Variants in ATG10 observed in about 807,000 individuals in gnomAD.
The protein encoded by ATG10 is autophagy related 10.
ATG10 carries 30 observed loss-of-function variants against 32.1 expected under a neutral mutation model. The ratio of observed to expected loss-of-function variants is 0.94; its 90% CI spans 0.70 to 1.27. ATG10 has a LOEUF of 1.27. ATG10 is among the 50% of genes most tolerant of loss of function. ATG10 has a pLI of 0.00. For synonymous variants in ATG10, 87 were observed against 91.5 expected (o/e 0.95, Z 0.28); for missense variants, 233 against 262.3 (o/e 0.89, Z 0.77).
intron 3 of ATG10, among the ~76,000 whole-genome samples, chr5:82,073,917 G>A (rs1186430466): frequency 6.6e-6 from 1 of 152,158 alleles, no homozygotes; most frequent in Non-Finnish European, 1.5e-5. Flanking sequence ...CTTTGTGTGA[G>A]TAGAATGGTG....
intron 3 of ATG10, among the ~76,000 whole-genome samples, chr5:82,133,126 C>T (rs772957798): frequency 6.6e-6 from 1 of 152,106 alleles, no homozygotes; most frequent in Non-Finnish European, 1.5e-5. Context: ...TTTGTAGATT[C>T]TGGATATTAG....
At chr5:82,189,397 G>T (rs1744573081) in intron 5 of ATG10, among the ~76,000 whole-genome samples, 1 of 152,088 alleles carries the variant, frequency 6.6e-6, no homozygotes, top group Admixed American at 6.5e-5. Context: ...ATTCTAGATC[G>T]ATCATTTCAC....
chr5:82,121,718 A>T (rs895479860), intron 3 of ATG10, among the ~76,000 whole-genome samples: 6 of 152,158 alleles, frequency 3.9e-5, no homozygotes, highest in African/African-American at 4.8e-5. Context: ...CTATTGAGAT[A>T]ATGATGTGGT....
chr5:82,023,617 G>C (rs1276337160), intron 2 of ATG10, among the ~76,000 whole-genome samples: 4 of 152,138 alleles, frequency 2.6e-5, no homozygotes, highest in Non-Finnish European at 4.4e-5. Context: ...AGACTGTTTG[G>C]AATAAAATCC....
intron 5 of ATG10, among the ~76,000 whole-genome samples, chr5:82,179,646 T>A (rs1744159330): frequency 6.6e-6 from 1 of 152,144 alleles, no homozygotes; most frequent in South Asian, 2.1e-4. Context: ...AAACTACTCA[T>A]CACCTTGCAA....
intron 3 of ATG10, among the ~76,000 whole-genome samples, chr5:82,081,065 AG>A (rs1210864233): frequency 6.6e-6 from 1 of 152,142 alleles, no homozygotes; most frequent in Non-Finnish European, 1.5e-5. Flanking sequence ...TTCTCCTTGA[AG>A]AGGTCCTTCA....
chr5:82,087,542 CTTA>C (rs1313661202), intron 3 of ATG10, among the ~76,000 whole-genome samples: 1 of 152,102 alleles, frequency 6.6e-6, no homozygotes, highest in Non-Finnish European at 1.5e-5. Flanking sequence ...TATATTGTCA[CTTA>C]TTAATTCAGC....
At chr5:81,997,342 C>G (rs1006963224) in intron 2 of ATG10, among the ~76,000 whole-genome samples, 1 of 152,200 alleles carries the variant, frequency 6.6e-6, no homozygotes, top group Non-Finnish European at 1.5e-5. Context: ...GCCCAATACC[C>G]AACCCCTCAG....
At chr5:82,056,592 G>A (rs895427053) in intron 2 of ATG10, among the ~76,000 whole-genome samples, 4 of 152,004 alleles carry the variant, frequency 2.6e-5, no homozygotes, top group Non-Finnish European at 5.9e-5. Context: ...GTACTGATGG[G>A]CAGGATCAGA....
At chr5:82,135,445 C>A (rs550549155) in intron 3 of ATG10, among the ~76,000 whole-genome samples, 1 of 152,276 alleles carries the variant, frequency 6.6e-6, no homozygotes, top group South Asian at 2.1e-4. Context: ...TCATTGGTTT[C>A]AAAGAACTAA....
At chr5:82,152,037 A>G (rs1487123095) in intron 3 of ATG10, among the ~76,000 whole-genome samples, 1 of 152,266 alleles carries the variant, frequency 6.6e-6, no homozygotes, top group Non-Finnish European at 1.5e-5. Context: ...GATTTAAAAC[A>G]CACAAAGAAG....
intron 4 of ATG10, among the ~76,000 whole-genome samples, chr5:82,171,169 A>G (rs923710595): frequency 1.3e-5 from 2 of 152,192 alleles, no homozygotes; most frequent in Non-Finnish European, 2.9e-5. Flanking sequence ...GATTCACTTA[A>G]TTTAAATGGA....
chr5:82,199,556 AAG>A (rs758979762), intron 5 of ATG10, among the ~76,000 whole-genome samples: 25 of 152,212 alleles, frequency 1.6e-4, no homozygotes, highest in Non-Finnish European at 3.2e-4. Flanking sequence ...ATATCAATAT[AAG>A]CATATTAGCT....
At chr5:82,191,009 G>A (rs79551322) in intron 5 of ATG10, among the ~76,000 whole-genome samples, 2,104 of 152,154 alleles carry the variant, frequency 0.014, 38 homozygotes, top group African/African-American at 0.047. Flanking sequence ...CATTTTAAAG[G>A]TTTTGTTAGA....
At chr5:82,164,717 C>T (rs766532572) in intron 4 of ATG10, among the ~76,000 whole-genome samples, 180 bp downstream of exon 4, 3 of 152,204 alleles carry the variant, frequency 2.0e-5, no homozygotes, top group South Asian at 2.1e-4. Flanking sequence ...AAGACTTCAG[C>T]GTGAATGATA....
chr5:82,179,692 T>C (rs1446814156), intron 5 of ATG10, among the ~76,000 whole-genome samples: 2 of 152,142 alleles, frequency 1.3e-5, no homozygotes, highest in African/African-American at 2.4e-5. Flanking sequence ...TTTTTACTTA[T>C]ATCAAAAATA....
chr5:82,243,550 G>T (rs1746888401), intron 5 of ATG10, among the ~76,000 whole-genome samples: 1 of 151,696 alleles, frequency 6.6e-6, no homozygotes, highest in South Asian at 2.1e-4. Flanking sequence ...ATCCTTTTTT[G>T]GCAGAAAGCA....
intron 4 of ATG10, among the ~76,000 whole-genome samples, chr5:82,168,978 T>C (rs1332665239): frequency 6.6e-6 from 1 of 151,798 alleles, no homozygotes; most frequent in Non-Finnish European, 1.5e-5. Flanking sequence ...CAGCCACAGG[T>C]TGGGTTTCTT....
intron 2 of ATG10, among the ~76,000 whole-genome samples, chr5:82,030,982 T>C (rs1762727261): frequency 6.8e-6 from 1 of 147,936 alleles, no homozygotes; most frequent in South Asian, 2.2e-4. Flanking sequence ...TACCTCACAA[T>C]CATTATTATT....
Sources: gnomAD v4.1 joint callset for allele counts (sites outside exome capture counted in the v4.1 genomes callset) on GRCh38, gnomAD v4.1.1 for gene constraint, MANE v1.5 for transcripts, NCBI Gene and HGNC (gene_info 2026-07-23, HGNC 2026-07-21) for gene names.